ELOVL4: variants seen among roughly 807,000 people sequenced by gnomAD.
ELOVL4 encodes the protein very long chain fatty acid elongase 4.
Under a neutral mutation model 42.1 loss-of-function variants are expected in ELOVL4, and 18 were observed. The ratio of observed to expected loss-of-function variants is 0.43; its 90% CI spans 0.30 to 0.63. The LOEUF (loss-of-function observed/expected upper bound fraction) is 0.63. ELOVL4 is among the 30% of genes least tolerant of loss of function. The pLI, the probability that ELOVL4 is intolerant of heterozygous loss-of-function variation, is 0.15. For synonymous variants in ELOVL4, 117 were observed against 127.0 expected, an observed-to-expected ratio of 0.92 and a Z score of 0.53; for missense variants, 299 against 376.2, an observed-to-expected ratio of 0.79 and a Z score of 1.70.
At chr6:79,927,568 CA>C (rs1173297625) in intron 1 of ELOVL4, among the ~76,000 whole-genome samples, 14 of 152,128 alleles carry the variant, frequency 9.2e-5, no homozygotes, top group African/African-American at 3.1e-4. Flanking sequence ...TATATACTGT[CA>C]ATAGACAGTA....
chr6:79,947,475 G>T lies in ELOVL4; in HGVS notation c.-196C>A. On this transcript the variant is annotated 5_prime_UTR_variant, in exon 1 of 6. Coordinates refer to ENST00000369816, the MANE Select transcript of ELOVL4 (RefSeq NM_022726.4). ...GGCAGAAGGCAGGGCCAAGCGGAAG[G>T]CGTCGTCAAGGTTCCCGGGAGAAAG... 1.6e-6 allele frequency: 1 copy of T among 607,482 alleles called. No individual in the cohort carries two copies. Among genetic ancestry groups the T allele is most frequent in the Non-Finnish European group, 2.9e-6 (1 of 341,898 alleles). The allele number at this position is 607,482 out of a possible 1,614,324, so 37.6% of individuals were successfully genotyped here.
intron 1 of ELOVL4, among the ~76,000 whole-genome samples, chr6:79,926,890 C>T (rs772555137): frequency 6.6e-6 from 1 of 152,118 alleles, no homozygotes; most frequent in African/African-American, 2.4e-5. Context: ...GACAAGAGTA[C>T]AGGGGCACTG....
At chr6:79,926,420 G>A (rs755979536) in intron 1 of ELOVL4, 39 bp from the exon 2 acceptor site, 41 of 1,573,234 alleles carry the variant, frequency 2.6e-5, no homozygotes, top group Non-Finnish European at 3.5e-5. Context: ...TCATTAATCA[G>A]TAAATGTTTT....
intron 1 of ELOVL4, among the ~76,000 whole-genome samples, chr6:79,941,997 G>A (rs1190076609): frequency 6.6e-6 from 1 of 152,182 alleles, no homozygotes; most frequent in Admixed American, 6.5e-5. Flanking sequence ...ACAACAACTT[G>A]CTCCAGGGTA....
chr6:79,945,223 CG>C (rs899233547), intron 1 of ELOVL4, among the ~76,000 whole-genome samples: 2 of 152,166 alleles, frequency 1.3e-5, no homozygotes, highest in Non-Finnish European at 2.9e-5. Flanking sequence ...TCTCAGGTTT[CG>C]TAAGTGGATA....
chr6:79,929,818 T>C (rs1774413595), intron 1 of ELOVL4, among the ~76,000 whole-genome samples: 1 of 152,172 alleles, frequency 6.6e-6, no homozygotes, highest in Non-Finnish European at 1.5e-5. Context: ...CAGCACTCAT[T>C]ACACTGTCCA....
At position 79,921,769 on chromosome 6, in the gene ELOVL4, C is replaced by A; in HGVS notation, c.397G>T (p.Val133Leu). The change falls in exon 4 of 6, where the codon GTA becomes TTA. Residue 133 changes from valine (V) to leucine (L), a missense_variant. Coordinates refer to ENST00000369816, the MANE Select transcript of ELOVL4 (RefSeq NM_022726.4). ...TCCAAATACTCAACTCCTTTAGATA[C>A]AAAGTACCACCACAGAGCAGCAGCT... The part of the protein sequence containing the change: ...RIAAALWWYF[V>L]SKGVEYLDTV... 1 of 1,613,990 alleles carries A rather than the reference C, an allele frequency of 6.2e-7. No homozygotes were observed. Among genetic ancestry groups the A allele is most frequent in the African/African-American group, 1.3e-5 (1 of 75,004 alleles).
rs1408427549 is a variant in ELOVL4 at position 79,947,383 on chromosome 6, C to T, written c.-104G>A. On this transcript the variant is annotated 5_prime_UTR_variant, in exon 1 of 6. Coordinates refer to ENST00000369816, the MANE Select transcript of ELOVL4 (RefSeq NM_022726.4). ...GACGGGGCGAGCGGCGGCCGGGAAC[C>T]CCTCTAACGGCGGCGGCCCGGCTGC... The T allele has an allele frequency of 2.3e-6, 2 of 876,446 alleles. No individual in the cohort carries two copies. The highest frequency in any genetic ancestry group is 3.7e-6 in the Non-Finnish European group (2 of 545,608). The allele number at this position is 876,446 out of a possible 1,614,324, so 54.3% of individuals were successfully genotyped here.
chr6:79,918,363 G>A (rs569237005), intron 5 of ELOVL4, among the ~76,000 whole-genome samples: 1 of 152,176 alleles, frequency 6.6e-6, no homozygotes, highest in East Asian at 1.9e-4. Flanking sequence ...CCAGGTGTAG[G>A]CTCCAACAAA....
chr6:79,931,119 T>A (rs1774435443), intron 1 of ELOVL4, among the ~76,000 whole-genome samples: 1 of 152,174 alleles, frequency 6.6e-6, no homozygotes, highest in African/African-American at 2.4e-5. Flanking sequence ...GACACAAATA[T>A]AAATGGACTC....
chr6:79,942,105 G>C (rs1221590515), intron 1 of ELOVL4, among the ~76,000 whole-genome samples: 1 of 152,162 alleles, frequency 6.6e-6, no homozygotes, highest in Non-Finnish European at 1.5e-5. Flanking sequence ...GTAAAGGCAA[G>C]GGGAATGGTG....
intron 1 of ELOVL4, among the ~76,000 whole-genome samples, chr6:79,936,111 G>A (rs879420730): frequency 2.6e-5 from 4 of 152,138 alleles, no homozygotes; most frequent in Non-Finnish European, 5.9e-5. Context: ...GATTCTATCC[G>A]AATAAATCAG....
chr6:79,938,136 G>A (rs926188673), intron 1 of ELOVL4, among the ~76,000 whole-genome samples: 1 of 152,240 alleles, frequency 6.6e-6, no homozygotes, highest in Non-Finnish European at 1.5e-5. Context: ...TCGAGAGAGA[G>A]AGCTGAAGAA....
At chr6:79,925,458 G>T (rs2127699225) in intron 2 of ELOVL4, among the ~76,000 whole-genome samples, 1 of 152,240 alleles carries the variant, frequency 6.6e-6, no homozygotes, top group African/African-American at 2.4e-5. Context: ...TTCAAGTAAA[G>T]AAATATTTCT....
intron 1 of ELOVL4, among the ~76,000 whole-genome samples, chr6:79,929,521 G>T (rs549692881): frequency 1.3e-3 from 193 of 152,090 alleles, no homozygotes; most frequent in African/African-American, 4.7e-3. Context: ...GATTACAGGC[G>T]TGAGCCACCA....
intron 1 of ELOVL4, among the ~76,000 whole-genome samples, chr6:79,943,001 GTTTC>G (rs1243032288): frequency 2.6e-5 from 4 of 151,490 alleles, no homozygotes; most frequent in South Asian, 4.2e-4. Context: ...AGCTGGTGAT[GTTTC>G]TTTCTTTCTT....
In ELOVL4 at chr6:79,919,513, A is replaced by G; in HGVS notation, c.576T>C (p.His192=). The G allele has an allele frequency of 1.2e-6, 2 of 1,613,682 alleles. No individual in the cohort carries two copies. Among genetic ancestry groups the G allele is most frequent in the South Asian group, 1.1e-5 (1 of 91,056 alleles). ...FFGAQLNSFI[H]VIMYSYYGLT... ...ACCCATAGTATGAGTACATAATCAC[A>G]TGGATAAAGGAATTCAACTGGGCTC... Residue 192 remains histidine, a synonymous_variant, in exon 5 of 6, where the codon CAT becomes CAC. Coordinates refer to ENST00000369816, the MANE Select transcript of ELOVL4 (RefSeq NM_022726.4).
intron 5 of ELOVL4, among the ~76,000 whole-genome samples, chr6:79,918,029 T>G (rs1042810681): frequency 6.6e-6 from 1 of 152,176 alleles, no homozygotes; most frequent in Non-Finnish European, 1.5e-5. Context: ...TTAACTTATA[T>G]GACTAACTGT....
At chr6:79,940,392 A>G (rs1196043068) in intron 1 of ELOVL4, among the ~76,000 whole-genome samples, 1 of 152,224 alleles carries the variant, frequency 6.6e-6, no homozygotes, top group Non-Finnish European at 1.5e-5. Context: ...TGATTAGTTA[A>G]GGAACATACT....
Sources: allele counts gnomAD v4.1 joint callset (sites outside exome capture counted in the v4.1 genomes callset), GRCh38; gene constraint gnomAD v4.1.1; transcripts MANE v1.5; gene names NCBI Gene and HGNC (gene_info 2026-07-23, HGNC 2026-07-21).